SLC38A9: variants seen among roughly 807,000 people sequenced by gnomAD.
The protein encoded by SLC38A9 is neutral amino acid transporter 9.
A neutral mutation model predicts 62.3 loss-of-function variants in SLC38A9; 48 were observed. The observed-to-expected ratio is 0.77, with a 90% CI of 0.61 to 0.98. The LOEUF is 0.98. Among genes scored for constraint, SLC38A9 ranks in the 50% least tolerant of loss-of-function variants. The probability of loss-of-function intolerance (pLI) is 0.00; values close to 1 mark genes in which losing one functional copy is unlikely to be tolerated. For synonymous variants in SLC38A9, 204 were observed against 227.7 expected, an observed-to-expected ratio of 0.90 and a Z score of 0.94; for missense variants, 541 against 679.8, an observed-to-expected ratio of 0.80 and a Z score of 2.27.
intron 8 of SLC38A9, among the ~76,000 whole-genome samples, chr5:55,662,632 T>G (rs1358260350): frequency 8.8e-5 from 13 of 147,670 alleles, no homozygotes; most frequent in Admixed American, 4.8e-4. Context: ...ATCTCACCAC[T>G]GCACTCCAGC....
At chr5:55,682,252 G>C (rs969227291) in intron 3 of SLC38A9, among the ~76,000 whole-genome samples, 1 of 152,036 alleles carries the variant, frequency 6.6e-6, no homozygotes, top group Non-Finnish European at 1.5e-5. Flanking sequence ...AAAAACAAAA[G>C]CCAAACAAAA....
chr5:55,689,557 C>T (rs1237704372), intron 3 of SLC38A9, among the ~76,000 whole-genome samples: 1 of 152,130 alleles, frequency 6.6e-6, no homozygotes. Context: ...ACACTAAAAC[C>T]CTTTTGACTA....
chr5:55,686,381 T>C (rs1403502539), intron 3 of SLC38A9, among the ~76,000 whole-genome samples: 1 of 151,900 alleles, frequency 6.6e-6, no homozygotes, highest in Admixed American at 6.6e-5. Flanking sequence ...TGATCAGTGA[T>C]ATTGAGCTTT....
At chr5:55,630,569 G>T (rs1412768326) in intron 14 of SLC38A9, among the ~76,000 whole-genome samples, 1 of 152,114 alleles carries the variant, frequency 6.6e-6, no homozygotes, top group South Asian at 2.1e-4. Flanking sequence ...ACCCGCCTTG[G>T]CCTCCCAAAG....
At chr5:55,707,544 C>T (rs1757447501) in intron 2 of SLC38A9, among the ~76,000 whole-genome samples, 1 of 152,124 alleles carries the variant, frequency 6.6e-6, no homozygotes, top group Non-Finnish European at 1.5e-5. Context: ...ATTGCTTGAA[C>T]CCAGGAGGCA....
At chr5:55,702,467 C>T (rs1259342360) in intron 2 of SLC38A9, among the ~76,000 whole-genome samples, 1 of 151,910 alleles carries the variant, frequency 6.6e-6, no homozygotes, top group African/African-American at 2.4e-5. Flanking sequence ...CTATGTTGCC[C>T]AGGCTGGTCT....
intron 4 of SLC38A9, among the ~76,000 whole-genome samples, chr5:55,672,248 T>C (rs1041309852): frequency 2.6e-5 from 4 of 152,328 alleles, no homozygotes; most frequent in Middle Eastern, 3.4e-3. Context: ...TATTATTTGC[T>C]ATTAGTCAAT....
chr5:55,697,994 T>TA lies in SLC38A9; in HGVS notation c.-34-3dup. Reference sequence around the variant, plus strand: ...CTCTAAGCACTGAAGAAGTTAGTCCTACACAAAGAAGATAAATAATTTAGT... The same window carrying TA: ...CTCTAAGCACTGAAGAAGTTAGTCCTAACACAAAGAAGATAAATAATTTAGT... On this transcript the variant is annotated splice_polypyrimidine_tract_variant and splice_region_variant and intron_variant, in intron 2 of 15. Transcript: ENST00000396865. 9.7e-7 allele frequency: 1 copy of TA among 1,027,550 alleles called. No homozygotes were observed. Among genetic ancestry groups the TA allele is most frequent in the South Asian group, 1.5e-5 (1 of 65,156 alleles). 63.7% of individuals were successfully genotyped at this position (1,027,550 alleles called of 1,614,324 possible). A position where few individuals can be genotyped will look rare whatever the true frequency, so the allele number is the denominator to read the frequency against.
intron 3 of SLC38A9, among the ~76,000 whole-genome samples, chr5:55,677,972 G>C (rs1423521739): frequency 1.4e-5 from 2 of 141,114 alleles, no homozygotes; most frequent in Non-Finnish European, 3.1e-5. Context: ...GTAGTGTGTT[G>C]GGAGGGAGGG....
At chr5:55,668,479 C>T (rs950536480) in intron 7 of SLC38A9, among the ~76,000 whole-genome samples, 5 of 152,128 alleles carry the variant, frequency 3.3e-5, no homozygotes, top group Non-Finnish European at 7.4e-5. Context: ...GTGATCTTCC[C>T]ACCTATGCCT....
At chr5:55,670,396 A>G (rs531317128) in intron 4 of SLC38A9, among the ~76,000 whole-genome samples, 1 of 152,356 alleles carries the variant, frequency 6.6e-6, no homozygotes, top group African/African-American at 2.4e-5. Flanking sequence ...TAATTTTGGA[A>G]TTTTCAGAAA....
chr5:55,696,366 C>A (rs868847938), intron 3 of SLC38A9: 1,284 of 65,202 alleles, frequency 0.02, no homozygotes, highest in African/African-American at 0.038. Flanking sequence ...CACCTCCCTC[C>A]CGGACGGGGC....
In SLC38A9 at chr5:55,660,182, G is replaced by A. The variant is rs551776747; in HGVS notation, c.698-3408C>T. ...TCCCAGCACTTTGGGAGGCCAAGGC[G>A]GGCAGACTGCTTGAACTCAGGAGTT... On this transcript the variant is annotated intron_variant, in intron 8 of 15. Coordinates refer to ENST00000396865, the MANE Select transcript of SLC38A9 (RefSeq NM_173514.4). Among the ~76,000 whole-genome samples, 13 of 152,060 alleles carry A rather than the reference G, an allele frequency of 8.5e-5. No individual in the cohort carries two copies. In the East Asian group the frequency reaches 2.3e-3, roughly 27 times the overall value.
chr5:55,634,513 C>T (rs560014489), intron 13 of SLC38A9: 2 of 152,144 alleles, frequency 1.3e-5, no homozygotes, highest in South Asian at 2.1e-4. Context: ...GAATTTTTAT[C>T]TTTTCTTTCA....
intron 6 of SLC38A9, 48 bp from the exon 7 acceptor site, chr5:55,669,369 TA>T: frequency 6.7e-7 from 1 of 1,487,204 alleles, no homozygotes; most frequent in Non-Finnish European, 9.3e-7. Context: ...CATGTAAGCA[TA>T]AATTCATATG....
chr5:55,666,112 G>A (rs557039472), intron 7 of SLC38A9, among the ~76,000 whole-genome samples: 5 of 152,152 alleles, frequency 3.3e-5, no homozygotes, highest in African/African-American at 1.2e-4. Context: ...AATGGTGATC[G>A]TAGAAACATA....
chr5:55,707,351 T>A (rs553390722), intron 2 of SLC38A9, among the ~76,000 whole-genome samples: 1 of 152,334 alleles, frequency 6.6e-6, no homozygotes, highest in Admixed American at 6.5e-5. Context: ...TTCTATAGTA[T>A]TAATTTGTCA....
chr5:55,627,968 C>T lies in SLC38A9; in HGVS notation c.1443G>A (p.Val481=). The change falls in exon 15 of 16, where the codon GTG becomes GTA. Residue 481 remains valine, a synonymous_variant. Transcript: ENST00000396865. The part of the protein sequence containing the change: ...FGDIYPSIFH[V]LILNLIIVGA... ...CCACAATAATTAGATTAAGAATCAG[C>T]ACATGGAAAATGCTAGAAGTTGAGA... is the stretch of plus-strand genomic sequence containing the variant. The T allele has an allele frequency of 1.2e-6, 2 of 1,611,168 alleles. No individual in the cohort carries two copies. The highest frequency in any genetic ancestry group is 1.7e-6 in the Non-Finnish European group (2 of 1,178,138).
At chr5:55,702,831 C>T (rs1481696623) in intron 2 of SLC38A9, 1 of 152,040 alleles carries the variant, frequency 6.6e-6, no homozygotes, top group Admixed American at 6.6e-5. Context: ...TTCCACTTCC[C>T]TTTTCTCTTC....
Sources: allele counts gnomAD v4.1 joint callset (sites outside exome capture counted in the v4.1 genomes callset), GRCh38; gene constraint gnomAD v4.1.1; transcripts MANE v1.5; gene names NCBI Gene and HGNC (gene_info 2026-07-23, HGNC 2026-07-21).